Variants in IGF2BP2 observed in about 807,000 individuals in gnomAD.
IGF2BP2 encodes insulin-like growth factor 2 mRNA-binding protein 2.
A neutral mutation model predicts 75.8 loss-of-function variants in IGF2BP2; 17 were observed. The ratio of observed to expected loss-of-function variants is 0.22; its 90% CI spans 0.15 to 0.34. The LOEUF (loss-of-function observed/expected upper bound fraction) is 0.34. IGF2BP2 is among the 10% of genes least tolerant of loss of function. The probability of loss-of-function intolerance (pLI) is 1.00; values close to 1 mark genes in which losing one functional copy is unlikely to be tolerated. For synonymous variants in IGF2BP2, 288 were observed against 295.6 expected (o/e 0.97, Z 0.26); for missense variants, 516 against 772.4 (o/e 0.67, Z 3.93).
At position 185,645,923 on chromosome 3, in the gene IGF2BP2, C is replaced by T. The variant is rs1054659827; in HGVS notation, c.1708-300G>A. On this transcript the variant is annotated intron_variant, in intron 15 of 15. Coordinates refer to ENST00000382199, the MANE Select transcript of IGF2BP2 (RefSeq NM_006548.6). The surrounding 1 kb of genome is among the most constrained non-coding windows in gnomAD (Gnocchi z 4.9). ...AAGCAGGGCGCCAGCAACTGGGGGC[C>T]GTGCAGAGTCAGATGCTACACTTGG... Among the ~76,000 whole-genome samples, 4 of 152,094 alleles carry T rather than the reference C, an allele frequency of 2.6e-5. No individual in the cohort carries two copies. Among genetic ancestry groups the T allele is most frequent in the African/African-American group, 7.2e-5 (3 of 41,430 alleles).
At chr3:185,677,066 T>TAGAGAG (rs1185215668) in intron 7 of IGF2BP2, among the ~76,000 whole-genome samples, 21 of 38,384 alleles carry the variant, frequency 5.5e-4, no homozygotes, top group African/African-American at 2.5e-3. Flanking sequence ...TATATATATA[T>TAGAGAG]ATAGAGAGAG....
Position 185,824,974 on chromosome 3 carries a change from G to C in IGF2BP2, c.-14C>G, listed in dbSNP as rs370363238. ...CTTGTTCATCATCCGTCTCTTCCCC[G>C]AGAGCCCGCGGCTCCCCCGGCCCGG... is the stretch of plus-strand genomic sequence containing the variant. On this transcript the variant is annotated 5_prime_UTR_variant, in exon 1 of 16. Coordinates refer to ENST00000382199, the MANE Select transcript of IGF2BP2 (RefSeq NM_006548.6). The C allele has an allele frequency of 1.1e-4, 157 of 1,489,192 alleles. No individual in the cohort carries two copies. The African/African-American group carries it at 1.7e-3, about 17-fold the overall frequency. The allele number at this position is 1,489,192 out of a possible 1,614,324, so 92.2% of individuals were successfully genotyped here. A position where few individuals can be genotyped will look rare whatever the true frequency, so the allele number is the denominator to read the frequency against.
At chr3:185,809,585 G>C (rs951523648) in intron 2 of IGF2BP2, among the ~76,000 whole-genome samples, 6 of 152,074 alleles carry the variant, frequency 3.9e-5, no homozygotes, top group African/African-American at 1.4e-4. Flanking sequence ...AGCCATGATA[G>C]CATCATTGCA....
chr3:185,799,096 C>T (rs371029275), intron 2 of IGF2BP2, among the ~76,000 whole-genome samples: 206 of 147,546 alleles, frequency 1.4e-3, no homozygotes, highest in African/African-American at 4.8e-3. Context: ...CTTTACTCAA[C>T]ATTTAGGAGA....
At chr3:185,824,286 A>C (rs908742822) in intron 1 of IGF2BP2, among the ~76,000 whole-genome samples, 2 of 150,050 alleles carry the variant, frequency 1.3e-5, no homozygotes, top group Non-Finnish European at 3.0e-5. Flanking sequence ...AGTGCGGCTC[A>C]GGAGACGCCA....
At chr3:185,806,533 G>A (rs1739056443) in intron 2 of IGF2BP2, among the ~76,000 whole-genome samples, 1 of 152,098 alleles carries the variant, frequency 6.6e-6, no homozygotes, top group Non-Finnish European at 1.5e-5. Context: ...AGGTTACATG[G>A]GCTATGGGAA....
chr3:185,803,079 G>A (rs771923080), intron 2 of IGF2BP2, among the ~76,000 whole-genome samples: 11 of 152,210 alleles, frequency 7.2e-5, no homozygotes, highest in Non-Finnish European at 1.3e-4. Context: ...CAGGCTGGGC[G>A]TGGTGGCTCA....
chr3:185,813,659 A>G (rs901170155), intron 2 of IGF2BP2, among the ~76,000 whole-genome samples: 1 of 152,370 alleles, frequency 6.6e-6, no homozygotes, highest in Admixed American at 6.5e-5. Context: ...ACCACTTACA[A>G]AAGCCTACAA....
chr3:185,679,910 C>G (rs1347731246), intron 7 of IGF2BP2, among the ~76,000 whole-genome samples: 1 of 152,248 alleles, frequency 6.6e-6, no homozygotes, highest in East Asian at 1.9e-4. Flanking sequence ...CCACTTCACC[C>G]GGCCCCATCC....
intron 2 of IGF2BP2, among the ~76,000 whole-genome samples, chr3:185,802,875 G>A: frequency 6.6e-6 from 1 of 152,222 alleles, no homozygotes; most frequent in Admixed American, 6.5e-5. Flanking sequence ...GCTGAGAGTA[G>A]CCTTTGGAGT....
At chr3:185,785,539 C>T (rs1018564830) in intron 2 of IGF2BP2, among the ~76,000 whole-genome samples, 3 of 151,880 alleles carry the variant, frequency 2.0e-5, no homozygotes, top group Non-Finnish European at 4.4e-5. Flanking sequence ...TTAAAATGTC[C>T]ACAGCATGGT....
chr3:185,695,406 G>A (rs1387705925), intron 4 of IGF2BP2, among the ~76,000 whole-genome samples: 2 of 152,188 alleles, frequency 1.3e-5, no homozygotes, highest in Non-Finnish European at 2.9e-5. Context: ...CAACTATCCA[G>A]TGACAGAGGA....
At chr3:185,703,103 TC>T (rs1408138952) in intron 2 of IGF2BP2, among the ~76,000 whole-genome samples, 1 of 152,194 alleles carries the variant, frequency 6.6e-6, no homozygotes, top group African/African-American at 2.4e-5. Context: ...CTGGCTACCT[TC>T]ACCGATTCTG....
intron 2 of IGF2BP2, among the ~76,000 whole-genome samples, chr3:185,787,454 C>T (rs911684140): frequency 2.0e-5 from 3 of 152,124 alleles, no homozygotes; most frequent in Non-Finnish European, 4.4e-5. Context: ...TCTGACAGGC[C>T]GGGCGCGGCG....
At position 185,645,506 on chromosome 3, in the gene IGF2BP2, T is replaced by G. The variant is rs746264361; in HGVS notation, c.*25A>C. ...TGTTGGAAGGGCTACATTCATCCGTTGTTTTGCTGGTGCCTGTGGGAGCCT... is the reference window on the plus strand; with the variant it reads ...TGTTGGAAGGGCTACATTCATCCGTGGTTTTGCTGGTGCCTGTGGGAGCCT... On this transcript the variant is annotated 3_prime_UTR_variant, in exon 16 of 16. Transcript: ENST00000382199. The surrounding 1 kb of genome is among the most constrained non-coding windows in gnomAD (Gnocchi z 4.9). The G allele has an allele frequency of 1.3e-6, 2 of 1,532,486 alleles. No homozygotes were observed. Among genetic ancestry groups the G allele is most frequent in the Admixed American group, 1.7e-5 (1 of 59,914 alleles). The allele number at this position is 1,532,486 out of a possible 1,614,324, so 94.9% of individuals were successfully genotyped here.
At chr3:185,709,752 AG>A (rs1427895099) in intron 2 of IGF2BP2, among the ~76,000 whole-genome samples, 1 of 152,186 alleles carries the variant, frequency 6.6e-6, no homozygotes, top group Non-Finnish European at 1.5e-5. Context: ...TCCCTCAAAG[AG>A]GAACTCCTCC....
chr3:185,824,759 G>A (rs1408022399), intron 1 of IGF2BP2, 24 bp downstream of exon 1: 3 of 1,300,898 alleles, frequency 2.3e-6, no homozygotes, highest in East Asian at 3.2e-5. Context: ...GAGGCGGGGG[G>A]AGGGGGCCGC....
chr3:185,648,949 G>A (rs1714086287), intron 14 of IGF2BP2, among the ~76,000 whole-genome samples: 1 of 152,022 alleles, frequency 6.6e-6, no homozygotes, highest in Admixed American at 6.6e-5. Context: ...AGAGTGCAGG[G>A]CACAGGCCTG....
At chr3:185,796,631 A>AGAG (rs558852219) in intron 2 of IGF2BP2, among the ~76,000 whole-genome samples, 51,971 of 141,530 alleles carry the variant, frequency 0.37, 10,493 homozygotes, top group African/African-American at 0.54. Flanking sequence ...AAAAAAAAAA[A>AGAG]AAAGAGAGAG....
Sources: gnomAD v4.1 joint callset for allele counts (sites outside exome capture counted in the v4.1 genomes callset) on GRCh38, gnomAD v4.1.1 for gene constraint, Gnocchi (gnomAD v3.1) non-coding constraint, MANE v1.5 for transcripts, NCBI Gene and HGNC (gene_info 2026-07-23, HGNC 2026-07-21) for gene names.